Variants in OTUD7A observed in about 807,000 individuals in gnomAD.
OTUD7A encodes the protein OTU domain-containing protein 7A.
Under a neutral mutation model 65.7 loss-of-function variants are expected in OTUD7A, and 12 were observed. The observed-to-expected ratio is 0.18, with a 90% CI of 0.12 to 0.30. OTUD7A has a LOEUF of 0.30. OTUD7A is among the 10% of genes least tolerant of loss of function. The probability of loss-of-function intolerance (pLI) is 1.00; values close to 1 mark genes in which losing one functional copy is unlikely to be tolerated. For missense variants in OTUD7A, 1,148 were observed against 1,304.8 expected, an observed-to-expected ratio of 0.88 and a Z score of 1.85; for synonymous variants, 641 against 586.3, an observed-to-expected ratio of 1.09 and a Z score of -1.35.
chr15:31,808,126 C>CACAG (rs1896321125), intron 1 of OTUD7A, among the ~76,000 whole-genome samples: 1 of 112,552 alleles, frequency 8.9e-6, no homozygotes, highest in Non-Finnish European at 2.0e-5. Flanking sequence ...CACACACACA[C>CACAG]ACACACACAC....
chr15:31,824,044 C>G (rs963498019), intron 1 of OTUD7A, among the ~76,000 whole-genome samples: 2 of 152,240 alleles, frequency 1.3e-5, no homozygotes, highest in South Asian at 4.2e-4. Flanking sequence ...GGCGAAAAGA[C>G]GAAGACACAG....
intron 5 of OTUD7A, among the ~76,000 whole-genome samples, chr15:31,548,033 T>G (rs908391096): frequency 6.6e-6 from 1 of 152,056 alleles, no homozygotes; most frequent in Non-Finnish European, 1.5e-5. Context: ...TGGTCTGAAG[T>G]CTCCTGGGCT....
At chr15:31,736,586 G>A (rs1433715545) in intron 1 of OTUD7A, among the ~76,000 whole-genome samples, 1 of 152,106 alleles carries the variant, frequency 6.6e-6, no homozygotes, top group Non-Finnish European at 1.5e-5. Context: ...GCCGACCAAT[G>A]CACTATGAGA....
At chr15:31,830,431 G>GGA (rs1896901562) in intron 1 of OTUD7A, among the ~76,000 whole-genome samples, 1 of 152,210 alleles carries the variant, frequency 6.6e-6, no homozygotes, top group African/African-American at 2.4e-5. Context: ...ATGCCTGAAT[G>GGA]GATCTGTGTC....
At chr15:31,652,709 A>C (rs1308790150) in intron 3 of OTUD7A, among the ~76,000 whole-genome samples, 1 of 152,264 alleles carries the variant, frequency 6.6e-6, no homozygotes, top group African/African-American at 2.4e-5. Context: ...GATGGAAAAT[A>C]AACAGCATGA....
Position 31,481,748 on chromosome 15 carries a change from C to T in OTUD7A, c.*1546G>A, listed in dbSNP as rs898215. On this transcript the variant is annotated 3_prime_UTR_variant, in exon 13 of 13. Transcript: ENST00000307050. ...AGTAAAAAAAATCCCCTCGCCCCCC[C>T]TTTTTTTTTGTTTTTGCTGCTCTTT... 0.59 allele frequency: 88,858 copies of T among 149,994 alleles called. 26,614 individuals carry two copies. Among genetic ancestry groups the T allele is most frequent in the East Asian group, 0.79 (4,018 of 5,080 alleles). The allele number at this position is 149,994 out of a possible 1,614,324, so 9.3% of individuals were successfully genotyped here.
chr15:31,657,258 C>T (rs1566963334), intron 1 of OTUD7A, among the ~76,000 whole-genome samples, 181 bp from the exon 2 acceptor site: 1 of 152,220 alleles, frequency 6.6e-6, no homozygotes, highest in Non-Finnish European at 1.5e-5. Context: ...CTCCCATGCC[C>T]GGGCCTGGCC....
At chr15:31,491,047 A>T (rs2034996) in intron 10 of OTUD7A, among the ~76,000 whole-genome samples, 6,618 of 152,136 alleles carry the variant, frequency 0.044, 273 homozygotes, top group African/African-American at 0.11. Context: ...AATAAAAGTG[A>T]TTTACTGCAG....
intron 1 of OTUD7A, among the ~76,000 whole-genome samples, chr15:31,843,549 G>C (rs1208058850): frequency 6.6e-6 from 1 of 152,150 alleles, no homozygotes; most frequent in African/African-American, 2.4e-5. Context: ...TGGCACAGAA[G>C]CAAGGCAATG....
intron 3 of OTUD7A, among the ~76,000 whole-genome samples, chr15:31,598,668 T>C (rs1251122155): frequency 6.6e-6 from 1 of 152,114 alleles, no homozygotes; most frequent in Non-Finnish European, 1.5e-5. Context: ...CAGTTCACTC[T>C]CCTGGAGATG....
intron 1 of OTUD7A, among the ~76,000 whole-genome samples, chr15:31,806,500 C>T (rs770389998): frequency 1.3e-5 from 2 of 152,154 alleles, no homozygotes; most frequent in Admixed American, 6.5e-5. Context: ...ATTAAAAAGG[C>T]CTGTTACAAT....
chr15:31,634,300 T>C (rs1248872068), intron 3 of OTUD7A, among the ~76,000 whole-genome samples: 2 of 152,034 alleles, frequency 1.3e-5, no homozygotes, highest in Non-Finnish European at 2.9e-5. Flanking sequence ...TGCAACCCCC[T>C]CTCTCTGCCA....
chr15:31,524,717 G>A (rs914403543), intron 8 of OTUD7A, among the ~76,000 whole-genome samples: 1 of 152,166 alleles, frequency 6.6e-6, no homozygotes, highest in Non-Finnish European at 1.5e-5. Context: ...CCAGAACTAT[G>A]GCTCCCAGGG....
intron 1 of OTUD7A, chr15:31,766,563 T>C: frequency 6.2e-7 from 1 of 1,613,158 alleles, no homozygotes; most frequent in Non-Finnish European, 8.5e-7. Flanking sequence ...TGTGCTGCCT[T>C]GTCCAACATT....
At chr15:31,491,558 A>G (rs906155940) in intron 10 of OTUD7A, among the ~76,000 whole-genome samples, 11 of 152,240 alleles carry the variant, frequency 7.2e-5, no homozygotes, top group Admixed American at 7.2e-4. Flanking sequence ...GAAATCCCAG[A>G]AGAGGGAAAG....
chr15:31,721,093 A>G (rs1170853022), intron 1 of OTUD7A, among the ~76,000 whole-genome samples: 1 of 152,270 alleles, frequency 6.6e-6, no homozygotes, highest in East Asian at 1.9e-4. Context: ...AGCACACTCT[A>G]CGATGTTCAC....
At chr15:31,587,123 C>T (rs538983430) in intron 3 of OTUD7A, among the ~76,000 whole-genome samples, 2 of 152,110 alleles carry the variant, frequency 1.3e-5, no homozygotes, top group Admixed American at 1.3e-4. Flanking sequence ...ATGCTTGACT[C>T]TGTTCTTACC....
chr15:31,586,909 C>T (rs1408836509), intron 3 of OTUD7A, among the ~76,000 whole-genome samples: 1 of 152,048 alleles, frequency 6.6e-6, no homozygotes, highest in Non-Finnish European at 1.5e-5. Flanking sequence ...TGAAGGGCTC[C>T]AGCCCCAGGA....
At chr15:31,501,666 C>T in intron 10 of OTUD7A, 24 bp downstream of exon 10, 6 of 1,614,038 alleles carry the variant, frequency 3.7e-6, no homozygotes, top group East Asian at 2.2e-5. Flanking sequence ...CTCCTGCGTG[C>T]ACTCTCTTGG....
Sources: allele counts gnomAD v4.1 joint callset (sites outside exome capture counted in the v4.1 genomes callset), GRCh38; gene constraint gnomAD v4.1.1; transcripts MANE v1.5; gene names NCBI Gene and HGNC (gene_info 2026-07-23, HGNC 2026-07-21).